FAT2: variants seen among roughly 807,000 people sequenced by gnomAD.
The protein encoded by FAT2 is protocadherin Fat 2.
Under a neutral mutation model 295.3 loss-of-function variants are expected in FAT2, and 150 were observed. The observed-to-expected ratio is 0.51, with a 90% CI of 0.44 to 0.58. FAT2 has a LOEUF of 0.58. Among genes scored for constraint, FAT2 ranks in the 20% least tolerant of loss-of-function variants. The pLI is 0.00. For synonymous variants in FAT2, 2,026 were observed against 2,150.3 expected, an observed-to-expected ratio of 0.94 and a Z score of 1.60; for missense variants, 4,868 against 5,442.7, an observed-to-expected ratio of 0.89 and a Z score of 3.32.
chr5:151,513,274 A>C (rs1248897242), intron 20 of FAT2, among the ~76,000 whole-genome samples: 1 of 152,236 alleles, frequency 6.6e-6, no homozygotes, highest in East Asian at 1.9e-4. Context: ...TTTCATAAAA[A>C]TATATAAAGA....
intron 1 of FAT2, among the ~76,000 whole-genome samples, chr5:151,587,166 C>CA (rs71575107): frequency 0.26 from 37,785 of 147,070 alleles, 5,021 homozygotes; most frequent in East Asian, 0.38. Flanking sequence ...CAAAACAAAA[C>CA]AAAAAAAAAA....
At position 151,545,676 on chromosome 5, in the gene FAT2, G is replaced by A; in HGVS notation, c.5451C>T (p.Pro1817=). 2 of 1,614,150 alleles carry A rather than the reference G, an allele frequency of 1.2e-6. No individual in the cohort carries two copies. The highest frequency in any genetic ancestry group is 1.7e-6 in the Non-Finnish European group (2 of 1,180,034). The change falls in exon 10 of 24, where the codon CCC becomes CCT. Residue 1817 remains proline (P), a synonymous_variant. Transcript: ENST00000261800. ...PEALKFFKID[P]SMGTLTIVSE... Reference sequence around the variant, plus strand: ...ATACAATGGTTAGGGTTCCCATGCTGGGATCAATTTTGAAAAACTTCAAGG... The same window carrying A: ...ATACAATGGTTAGGGTTCCCATGCTAGGATCAATTTTGAAAAACTTCAAGG...
chr5:151,569,014 T>G, intron 1 of FAT2, 63 bp from the exon 2 acceptor site: 1 of 1,441,372 alleles, frequency 6.9e-7, no homozygotes, highest in Non-Finnish European at 9.3e-7. Flanking sequence ...ACTGCTGTGA[T>G]TCTTAACTGG....
chr5:151,590,557 C>G (rs1266388254), intron 1 of FAT2, among the ~76,000 whole-genome samples: 2 of 152,216 alleles, frequency 1.3e-5, no homozygotes, highest in African/African-American at 4.8e-5. Flanking sequence ...GACTCATGGT[C>G]TTTCACAGCC....
At chr5:151,534,714 C>T in intron 12 of FAT2, 72 bp from the exon 13 acceptor site, 1 of 1,315,018 alleles carries the variant, frequency 7.6e-7, no homozygotes, top group South Asian at 1.3e-5. Context: ...CTCTATATAT[C>T]TACAGGAGAC....
chr5:151,539,963 A>G (rs1411836527), intron 11 of FAT2, among the ~76,000 whole-genome samples: 19 of 152,210 alleles, frequency 1.2e-4, no homozygotes, highest in Admixed American at 1.2e-3. Flanking sequence ...ACCCCAGCAG[A>G]TGTGAGGAGG....
intron 13 of FAT2, 72 bp from the exon 14 acceptor site, chr5:151,532,042 A>G (rs1034665475): frequency 6.4e-7 from 1 of 1,565,206 alleles, no homozygotes; most frequent in Non-Finnish European, 8.7e-7. Flanking sequence ...CAAACCCTGC[A>G]GCCACAGGAG....
chr5:151,514,003 G>A (rs1465750892), intron 20 of FAT2, among the ~76,000 whole-genome samples: 1 of 152,128 alleles, frequency 6.6e-6, no homozygotes, highest in East Asian at 1.9e-4. Flanking sequence ...TTCCCAAGAG[G>A]TAGGACTGCC....
At chr5:151,573,569 G>A (rs1007247073) in intron 1 of FAT2, among the ~76,000 whole-genome samples, 11 of 152,276 alleles carry the variant, frequency 7.2e-5, no homozygotes, top group African/African-American at 2.4e-4. Context: ...CAGGAGAATC[G>A]CTTGAACCAG....
chr5:151,534,267 T>C (rs1308480444), intron 13 of FAT2, 142 bp downstream of exon 13: 16 of 592,200 alleles, frequency 2.7e-5, no homozygotes, highest in Non-Finnish European at 4.5e-5. Context: ...TGAGGATAAA[T>C]ACTTTTTACT....
At position 151,554,662 on chromosome 5, in the gene FAT2, C is replaced by T. The variant is rs2127631696; in HGVS notation, c.3645G>A (p.Leu1215=). 1 of 1,611,824 alleles carries T rather than the reference C, an allele frequency of 6.2e-7. No homozygotes were observed. Among genetic ancestry groups the T allele is most frequent in the Non-Finnish European group, 8.5e-7 (1 of 1,178,824 alleles). Residue 1215 remains leucine (L), a synonymous_variant, in exon 5 of 24, where the codon CTG becomes CTA. Coordinates refer to ENST00000261800, the MANE Select transcript of FAT2 (RefSeq NM_001447.3). The part of the protein sequence containing the change: ...KDEHILEVTV[L]DNGEPSLKST... ...ACTTCAGTGAGGGTTCCCCATTGTC[C>T]AGCACAGTCACCTGGGAGCAGAATT... is the stretch of plus-strand genomic sequence containing the variant.
Position 151,505,694 on chromosome 5 carries a change from G to A in FAT2, c.12921C>T (p.Pro4307=), listed in dbSNP as rs374238582. The part of the protein sequence containing the change: ...GVGMRLSRAG[P]SYAVCEVEGA... ...CCTCCACCTCACAGACAGCATAAGA[G>A]GGCCCAGCTCGGCTGAGGCGCATAC... Residue 4307 remains proline, a synonymous_variant, in exon 24 of 24, where the codon CCC becomes CCT. Coordinates refer to ENST00000261800, the MANE Select transcript of FAT2 (RefSeq NM_001447.3). 1.2e-6 allele frequency: 2 copies of A among 1,613,982 alleles called. No individual in the cohort carries two copies. Among genetic ancestry groups the A allele is most frequent in the Non-Finnish European group, 1.7e-6 (2 of 1,179,970 alleles).
chr5:151,561,093 A>C (rs888777984), intron 3 of FAT2, among the ~76,000 whole-genome samples: 3 of 152,254 alleles, frequency 2.0e-5, no homozygotes, highest in African/African-American at 4.8e-5. Context: ...TGTCGCAAAA[A>C]GGAGTAGGTG....
At chr5:151,536,023 T>C (rs1452818861) in intron 12 of FAT2, among the ~76,000 whole-genome samples, 2 of 152,162 alleles carry the variant, frequency 1.3e-5, no homozygotes, top group African/African-American at 4.8e-5. Flanking sequence ...GAAAAGCAAG[T>C]TACAAATAGT....
Position 151,517,730 on chromosome 5 carries a change from G to A in FAT2, c.11353C>T (p.Arg3785Trp), listed in dbSNP as rs759922777. 9.9e-6 allele frequency: 16 copies of A among 1,614,038 alleles called. No individual in the cohort carries two copies. Among genetic ancestry groups the A allele is most frequent in the Non-Finnish European group, 7.6e-6 (9 of 1,180,028 alleles). Reference protein sequence around the residue: ...ATRFSGQSYVRYRAPAARNWH... With the variant: ...ATRFSGQSYVWYRAPAARNWH... ...TTCCGAGCCGCTGGGGCCCTGTACC[G>A]CACATAGCTCTGACCACTGAACCTT... The change falls in exon 20 of 24, where the codon CGG becomes TGG. Residue 3785 changes from arginine (R) to tryptophan (W), a missense_variant. Arg to Trp is a moderately radical substitution (Grantham distance 101). Coordinates refer to ENST00000261800, the MANE Select transcript of FAT2 (RefSeq NM_001447.3).
Position 151,544,316 on chromosome 5 carries a change from TG to T in FAT2, c.6810del (p.Thr2271LeufsTer21). The T allele has an allele frequency of 6.2e-7, 1 of 1,614,130 alleles. No homozygotes were observed. Among genetic ancestry groups the T allele is most frequent in the Non-Finnish European group, 8.5e-7 (1 of 1,180,024 alleles). ...VLVEDVNDNP[P>X]TFSQLVYTTS... is the part of the protein sequence containing the mutation. The stretch of plus-strand genomic sequence containing the variant: ...GTGGTATAGACCAATTGGGAAAAAG[TG>T]GGAGGGTTATCATTGACATCCTCCA... On this transcript the variant is annotated frameshift_variant, in exon 10 of 24. Coordinates refer to ENST00000261800, the MANE Select transcript of FAT2 (RefSeq NM_001447.3). LOFTEE classifies it high-confidence loss of function.
chr5:151,556,320 A>G (rs1326615865), intron 4 of FAT2, 24 bp downstream of exon 4: 6 of 1,607,952 alleles, frequency 3.7e-6, no homozygotes, highest in Non-Finnish European at 5.1e-6. Flanking sequence ...AATCACCACA[A>G]ATGGATTCAC....
At chr5:151,556,126 A>G in intron 4 of FAT2, 1 of 573,780 alleles carries the variant, frequency 1.7e-6, no homozygotes, top group South Asian at 2.0e-5. Flanking sequence ...TAATCAATCA[A>G]TGGTGCCTAC....
chr5:151,526,094 T>C (rs1753955474), intron 17 of FAT2, 129 bp from the exon 18 acceptor site: 1 of 882,302 alleles, frequency 1.1e-6, no homozygotes, highest in African/African-American at 1.7e-5. Flanking sequence ...TGCCTGGACA[T>C]CAAGCTGCTG....
Sources: gnomAD v4.1 joint callset for allele counts (sites outside exome capture counted in the v4.1 genomes callset) on GRCh38, gnomAD v4.1.1 for gene constraint, MANE v1.5 for transcripts, NCBI Gene and HGNC (gene_info 2026-07-23, HGNC 2026-07-21) for gene names.